GRIK4: variants seen among roughly 807,000 people sequenced by gnomAD.
The protein encoded by GRIK4 is glutamate receptor ionotropic, kainate 4.
In GRIK4, 40 loss-of-function variants were observed where a neutral mutation model predicts 104.9. That is an observed-to-expected ratio of 0.38 (90% CI 0.30 to 0.50). The LOEUF (loss-of-function observed/expected upper bound fraction) is 0.50. Among genes scored for constraint, GRIK4 ranks in the 20% least tolerant of loss-of-function variants. The pLI is 0.93. For missense variants in GRIK4, 1,047 were observed against 1,308.1 expected, an observed-to-expected ratio of 0.80 and a Z score of 3.08; for synonymous variants, 485 against 524.9, an observed-to-expected ratio of 0.92 and a Z score of 1.04.
intron 3 of GRIK4, among the ~76,000 whole-genome samples, chr11:120,760,862 G>C (rs192994791): frequency 7.9e-5 from 12 of 151,998 alleles, no homozygotes; most frequent in Non-Finnish European, 1.8e-4. Context: ...TGGGCATTTG[G>C]GTTGGTTCCA....
intron 6 of GRIK4, among the ~76,000 whole-genome samples, chr11:120,831,414 A>G (rs1348551159): frequency 2.0e-5 from 3 of 152,102 alleles, no homozygotes; most frequent in East Asian, 1.9e-4. Flanking sequence ...TAACTTCTCA[A>G]TTGAGGAAAC....
chr11:120,882,833 G>A (rs947469674), intron 11 of GRIK4, among the ~76,000 whole-genome samples: 1 of 152,220 alleles, frequency 6.6e-6, no homozygotes, highest in African/African-American at 2.4e-5. Flanking sequence ...CCCCTCGTCT[G>A]CACTGGCCCT....
intron 13 of GRIK4, among the ~76,000 whole-genome samples, chr11:120,935,898 A>G (rs994748305): frequency 6.6e-6 from 1 of 152,100 alleles, no homozygotes; most frequent in Admixed American, 6.6e-5. Context: ...AAAAAAAGAC[A>G]CTGTACAGTT....
At chr11:120,896,464 C>T (rs1942584425) in intron 11 of GRIK4, among the ~76,000 whole-genome samples, 1 of 152,246 alleles carries the variant, frequency 6.6e-6, no homozygotes, top group Non-Finnish European at 1.5e-5. Context: ...CACCCTTTTC[C>T]AGGTGGCATT....
rs1295842505 is a variant in GRIK4 at position 120,956,253 on chromosome 11, G to A, written c.1701-527G>A. ...TCTCACTCTGTTTGTCCAGGCTGGA[G>A]TACAGTGGTGGGATCTTGGCTCACT... On this transcript the variant is annotated intron_variant, in intron 15 of 20. Transcript: ENST00000527524. The surrounding 1 kb of genome is among the most constrained non-coding windows in gnomAD (Gnocchi z 4.6). Among the ~76,000 whole-genome samples the A allele has an allele frequency of 6.6e-6, 1 of 150,764 alleles. No homozygotes were observed. The highest frequency in any genetic ancestry group is 2.4e-5 in the African/African-American group (1 of 40,958).
chr11:120,597,611 C>T (rs1015383440), intron 1 of GRIK4, among the ~76,000 whole-genome samples: 4 of 152,194 alleles, frequency 2.6e-5, no homozygotes, highest in African/African-American at 9.7e-5. Context: ...CTGCCTCAGC[C>T]GTGCGCTTTG....
At chr11:120,732,838 A>G (rs1951159640) in intron 3 of GRIK4, among the ~76,000 whole-genome samples, 1 of 152,200 alleles carries the variant, frequency 6.6e-6, no homozygotes, top group Non-Finnish European at 1.5e-5. Flanking sequence ...TGTTCTGTAA[A>G]TATCTATTAG....
intron 3 of GRIK4, among the ~76,000 whole-genome samples, chr11:120,687,778 A>T (rs12294046): frequency 0.099 from 15,122 of 152,162 alleles, 821 homozygotes; most frequent in South Asian, 0.13. Flanking sequence ...CTCCTTTCCC[A>T]GAGCAGAGCC....
chr11:120,539,296 A>G (rs1179136892), intron 1 of GRIK4, among the ~76,000 whole-genome samples: 1 of 152,206 alleles, frequency 6.6e-6, no homozygotes, highest in Admixed American at 6.5e-5. Context: ...AGGCCTGGCG[A>G]AGAACAGGTC....
At chr11:120,729,487 T>C (rs1381250763) in intron 3 of GRIK4, among the ~76,000 whole-genome samples, 1 of 152,234 alleles carries the variant, frequency 6.6e-6, no homozygotes, top group Non-Finnish European at 1.5e-5. Context: ...GCTGTAGTTC[T>C]AATTTGCATT....
chr11:120,959,222 G>A (rs184780088), intron 16 of GRIK4, among the ~76,000 whole-genome samples: 3 of 152,250 alleles, frequency 2.0e-5, no homozygotes, highest in African/African-American at 7.2e-5. Flanking sequence ...CAGAGAAGGC[G>A]AGTGGTTTTC....
intron 1 of GRIK4, among the ~76,000 whole-genome samples, chr11:120,563,386 G>C (rs891967619): frequency 3.9e-5 from 6 of 152,130 alleles, no homozygotes; most frequent in African/African-American, 1.4e-4. Flanking sequence ...GAAGAACCCT[G>C]TGCCCAGTGA....
chr11:120,981,734 A>C (rs1944655964), intron 19 of GRIK4, among the ~76,000 whole-genome samples: 1 of 152,186 alleles, frequency 6.6e-6, no homozygotes, highest in Non-Finnish European at 1.5e-5. Flanking sequence ...CTTTAATGAA[A>C]CTATTAGAAC....
intron 3 of GRIK4, among the ~76,000 whole-genome samples, chr11:120,676,963 T>A (rs902954280): frequency 1.3e-5 from 2 of 152,204 alleles, no homozygotes; most frequent in African/African-American, 4.8e-5. Context: ...ACTGCACACT[T>A]GGAAACTGTC....
rs976187045 is a variant in GRIK4, at chr11:120,802,698, A to C, written c.88A>C (p.Ile30Leu). The C allele has an allele frequency of 6.2e-7, 1 of 1,613,614 alleles. No homozygotes were observed. The highest frequency in any genetic ancestry group is 8.5e-7 in the Non-Finnish European group (1 of 1,179,878). Residue 30 changes from isoleucine to leucine, a missense_variant, in exon 4 of 21, where the codon ATC becomes CTC. Ile to Leu is a conservative substitution (Grantham distance 5). Around this residue, in one of 3 missense-constraint regions of GRIK4, gnomAD observed 447 missense variants for 514.9 expected, o/e 0.87. Transcript: ENST00000527524. ...ATGTGGTTGCCTGCCCACAGCTGCT[A>C]TCTTGGACGACCCCATGGAGTGCAG... ...CSPHSLRIAAILDDPMECSRG... is the reference protein window; with the variant it reads ...CSPHSLRIAALLDDPMECSRG...
intron 3 of GRIK4, among the ~76,000 whole-genome samples, chr11:120,775,266 C>CGTGT (rs1490657987): frequency 1.3e-5 from 2 of 152,324 alleles, no homozygotes; most frequent in African/African-American, 4.8e-5. Flanking sequence ...GACTCATACA[C>CGTGT]ATGAAATGGC....
At chr11:120,572,748 A>G (rs1948417547) in intron 1 of GRIK4, among the ~76,000 whole-genome samples, 1 of 152,078 alleles carries the variant, frequency 6.6e-6, no homozygotes, top group Admixed American at 6.5e-5. Flanking sequence ...TTTCTTACCC[A>G]CTAAACCCTC....
intron 3 of GRIK4, among the ~76,000 whole-genome samples, chr11:120,744,482 G>C: frequency 6.6e-6 from 1 of 152,202 alleles, no homozygotes; most frequent in East Asian, 1.9e-4. Context: ...CGTACAAGAA[G>C]GACAACAGGA....
At position 120,660,337 on chromosome 11, in the gene GRIK4, C is replaced by A. The variant is rs146239873; in HGVS notation, c.19C>A (p.Pro7Thr). MPRVSA[P>T]LVLLPAWLVM... ...ATAGAAGATGCCCCGCGTCTCGGCG[C>A]CTTTGGTGCTGCTTCCTGCGTGGCT... The change falls in exon 3 of 21, where the codon CCT (proline) becomes ACT (threonine). Residue 7 changes from proline to threonine, a missense_variant. By Grantham distance (38) the Pro-to-Thr change is conservative. Coordinates refer to ENST00000527524, the MANE Select transcript of GRIK4 (RefSeq NM_014619.5). 42 of 1,613,298 alleles carry A rather than the reference C, an allele frequency of 2.6e-5. No homozygotes were observed. The highest frequency in any genetic ancestry group is 3.5e-5 in the Non-Finnish European group (41 of 1,179,886).
Sources: gnomAD v4.1 joint callset for allele counts (sites outside exome capture counted in the v4.1 genomes callset) on GRCh38, gnomAD v4.1.1 for gene constraint, gnomAD v4.1.1 regional missense constraint, Gnocchi (gnomAD v3.1) non-coding constraint, MANE v1.5 for transcripts, NCBI Gene and HGNC (gene_info 2026-07-23, HGNC 2026-07-21) for gene names.